Variants in MYO3B observed in about 807,000 individuals in gnomAD.
The protein encoded by MYO3B is myosin-IIIb.
A neutral mutation model predicts 174.6 loss-of-function variants in MYO3B; 156 were observed. That is an observed-to-expected ratio of 0.89 (90% CI 0.78 to 1.02). The LOEUF (loss-of-function observed/expected upper bound fraction) is 1.02, where lower values mean the gene tolerates loss of function less well. Among genes scored for constraint, MYO3B ranks in the 50% least tolerant of loss-of-function variants. MYO3B has a pLI of 0.00. For synonymous variants in MYO3B, 563 were observed against 569.1 expected (o/e 0.99, Z 0.15); for missense variants, 1,632 against 1,639.4 (o/e 1.00, Z 0.08).
chr2:170,189,981 G>T (rs1366004329), intron 1 of MYO3B, among the ~76,000 whole-genome samples: 2 of 152,140 alleles, frequency 1.3e-5, no homozygotes, highest in Non-Finnish European at 2.9e-5. Context: ...TTTTAGGAAG[G>T]CTTTCCAGGT....
At chr2:170,437,468 C>T (rs1228598690) in intron 22 of MYO3B, among the ~76,000 whole-genome samples, 3 of 152,156 alleles carry the variant, frequency 2.0e-5, no homozygotes, top group Admixed American at 2.0e-4. Flanking sequence ...AGGAGCTGCT[C>T]TTCCTATACC....
At chr2:170,503,566 A>T (rs1687422575) in intron 28 of MYO3B, among the ~76,000 whole-genome samples, 1 of 150,668 alleles carries the variant, frequency 6.6e-6, no homozygotes, top group African/African-American at 2.4e-5. Context: ...AGGACTTTAG[A>T]AAACACATTA....
At chr2:170,529,794 TAA>T (rs1423022371) in intron 30 of MYO3B, among the ~76,000 whole-genome samples, 2 of 152,236 alleles carry the variant, frequency 1.3e-5, no homozygotes, top group Non-Finnish European at 1.5e-5. Context: ...GAACTTTATA[TAA>T]GAGTGCTTCA....
chr2:170,566,189 C>G (rs1202440053), intron 32 of MYO3B, among the ~76,000 whole-genome samples: 6 of 152,102 alleles, frequency 3.9e-5, no homozygotes, highest in Non-Finnish European at 5.9e-5. Context: ...ACAGATTGTA[C>G]TCAAATCATT....
rs1340797485 is a variant in MYO3B at position 170,466,611 on chromosome 2, A to G, written c.2914A>G (p.Arg972Gly). Residue 972 changes from arginine (R) to glycine (G), a missense_variant, in exon 25 of 35, where the codon AGG becomes GGG. Physicochemically the swap from Arg to Gly is moderately radical, Grantham distance 125 (BLOSUM62 -2). Coordinates refer to ENST00000408978, the MANE Select transcript of MYO3B (RefSeq NM_138995.5). ...AGAGGCCCTGCAGTTCTCTCGAGAG[A>G]GGGTGCTGGCCCAGCTCCGCTCCAC... ...DREALQFSRE[R>G]VLAQLRSTGI... 1.4e-5 allele frequency: 23 copies of G among 1,614,222 alleles called. No homozygotes were observed. Among genetic ancestry groups the G allele is most frequent in the Non-Finnish European group, 1.9e-5 (23 of 1,180,044 alleles).
Position 170,400,318 on chromosome 2 carries a change from A to G in MYO3B, c.1918+4A>G, listed in dbSNP as rs368289994. The G allele has an allele frequency of 4.3e-6, 7 of 1,613,360 alleles. No homozygotes were observed. Among genetic ancestry groups the G allele is most frequent in the Admixed American group, 1.7e-5 (1 of 59,972 alleles). ...AATGCTGAAGCTTTGCAAAATGGTA[A>G]TTATTTGATATTTGTGGGCTGTGTT... On this transcript the variant is annotated splice_donor_region_variant and intron_variant, in intron 17 of 34. Transcript: ENST00000408978.
rs555516025 is a variant in MYO3B, at chr2:170,432,390, CAAAA to C, written c.2651-11573_2651-11570del. Among the ~76,000 whole-genome samples, 543 of 150,754 alleles carry C rather than the reference CAAAA, an allele frequency of 3.6e-3. 5 individuals carry two copies. The highest frequency in any genetic ancestry group is 0.013 in the African/African-American group (514 of 41,086). ...TTTAATTAAAAAATTAAAAAGTAAA[CAAAA>C]AAATCTTAAAAATTTAAAAAGGCTT... On this transcript the variant is annotated intron_variant, in intron 22 of 34. Coordinates refer to ENST00000408978, the MANE Select transcript of MYO3B (RefSeq NM_138995.5).
rs193281895 is a variant in MYO3B, at chr2:170,621,184, C to G, written c.3734-30444C>G. Among the ~76,000 whole-genome samples, 507 of 152,102 alleles carry G rather than the reference C, an allele frequency of 3.3e-3. 3 individuals carry two copies. The highest frequency in any genetic ancestry group is 3.7e-3 in the South Asian group (18 of 4,818). On this transcript the variant is annotated intron_variant, in intron 32 of 34. Coordinates refer to ENST00000408978, the MANE Select transcript of MYO3B (RefSeq NM_138995.5). ...GATTACATGCATGAGCCACCGCACC[C>G]GGCCAACCATAGAAATATTTTTGAA...
At chr2:170,187,769 G>T (rs1023805674) in intron 1 of MYO3B, among the ~76,000 whole-genome samples, 3 of 152,060 alleles carry the variant, frequency 2.0e-5, no homozygotes, top group Non-Finnish European at 4.4e-5. Context: ...CCATGTGTTT[G>T]TACAGTTTCC....
intron 32 of MYO3B, among the ~76,000 whole-genome samples, chr2:170,565,313 C>T (rs949245764): frequency 2.0e-5 from 3 of 152,158 alleles, no homozygotes; most frequent in African/African-American, 2.4e-5. Context: ...ATCCTTTGTA[C>T]GTAATTGGAT....
Position 170,424,653 on chromosome 2 carries a change from A to C in MYO3B, c.2650+16809A>C, listed in dbSNP as rs556799471. ...AAAACTAAAACAAACTTTAATAATGAGTTATGATAATGACTCTAACCTTGG... is the reference window on the plus strand; with the variant it reads ...AAAACTAAAACAAACTTTAATAATGCGTTATGATAATGACTCTAACCTTGG... On this transcript the variant is annotated intron_variant, in intron 22 of 34. Transcript: ENST00000408978. Among the ~76,000 whole-genome samples the C allele has an allele frequency of 3.9e-5, 6 of 152,224 alleles. No homozygotes were observed. The South Asian group carries it at 1.2e-3, about 32-fold the overall frequency.
At chr2:170,323,574 A>G (rs2093844320) in intron 7 of MYO3B, among the ~76,000 whole-genome samples, 1 of 152,186 alleles carries the variant, frequency 6.6e-6, no homozygotes, top group Non-Finnish European at 1.5e-5. Flanking sequence ...GTAATTGTGG[A>G]CTTTGGAATT....
intron 23 of MYO3B, among the ~76,000 whole-genome samples, chr2:170,459,661 G>C (rs923171941): frequency 2.0e-5 from 3 of 152,156 alleles, no homozygotes; most frequent in Non-Finnish European, 2.9e-5. Context: ...TCATGGGACC[G>C]GGCGCCATGG....
intron 7 of MYO3B, among the ~76,000 whole-genome samples, chr2:170,247,973 C>T (rs1440072957): frequency 6.6e-6 from 1 of 152,162 alleles, no homozygotes; most frequent in Admixed American, 6.5e-5. Context: ...GCTTCCTCTA[C>T]ATCTGAACCT....
At chr2:170,452,399 A>G (rs1946834) in intron 23 of MYO3B, among the ~76,000 whole-genome samples, 121,552 of 152,050 alleles carry the variant, frequency 0.8, 49,992 homozygotes, top group Non-Finnish European at 0.9. Context: ...ATCAAGAGCA[A>G]CAAAAAGACA....
At position 170,466,445 on chromosome 2, in the gene MYO3B, G is replaced by C. The variant is rs1480217698; in HGVS notation, c.2809-61G>C. 5 of 1,526,588 alleles carry C rather than the reference G, an allele frequency of 3.3e-6. No individual in the cohort carries two copies. The South Asian group carries it at 4.5e-5, about 14-fold the overall frequency. 94.6% of individuals were successfully genotyped at this position (1,526,588 alleles called of 1,614,324 possible). On this transcript the variant is annotated intron_variant, in intron 24 of 34. Transcript: ENST00000408978. ...GCTCCAGAGGCTTCTGCGGGCCTGTGTTGTAACTATCCATTGTGTTGGTGG... is the reference window on the plus strand; with the variant it reads ...GCTCCAGAGGCTTCTGCGGGCCTGTCTTGTAACTATCCATTGTGTTGGTGG...
At chr2:170,431,445 A>G (rs987933070) in intron 22 of MYO3B, among the ~76,000 whole-genome samples, 2 of 152,232 alleles carry the variant, frequency 1.3e-5, no homozygotes, top group African/African-American at 4.8e-5. Flanking sequence ...TTTAAAGCTT[A>G]AGGAGAAAGG....
At chr2:170,215,734 T>C (rs2092820968) in intron 5 of MYO3B, among the ~76,000 whole-genome samples, 1 of 152,230 alleles carries the variant, frequency 6.6e-6, no homozygotes, top group Non-Finnish European at 1.5e-5. Context: ...GGGAGCATTT[T>C]GTTTAAGTCT....
chr2:170,204,825 T>G (rs1307834675), intron 3 of MYO3B, among the ~76,000 whole-genome samples: 1 of 152,212 alleles, frequency 6.6e-6, no homozygotes, highest in African/African-American at 2.4e-5. Context: ...CTTACAATTC[T>G]AAAGGGATTA....
Sources: allele counts gnomAD v4.1 joint callset (sites outside exome capture counted in the v4.1 genomes callset), GRCh38; gene constraint gnomAD v4.1.1; transcripts MANE v1.5; gene names NCBI Gene and HGNC (gene_info 2026-07-23, HGNC 2026-07-21).